The following CNTN5 variants were observed in gnomAD, a reference collection of about 807,000 sequenced individuals.
The protein encoded by CNTN5 is contactin 5.
In CNTN5, 77 loss-of-function variants were observed where a neutral mutation model predicts 129.1. The ratio of observed to expected loss-of-function variants is 0.60; its 90% CI spans 0.50 to 0.72. The LOEUF (loss-of-function observed/expected upper bound fraction) is 0.72. Ranked by LOEUF, CNTN5 falls within the 30% of genes least tolerant of loss-of-function variation. CNTN5 has a pLI of 0.00. For synonymous variants in CNTN5, 509 were observed against 465.6 expected (o/e 1.09, Z -1.20); for missense variants, 1,478 against 1,328.8 (o/e 1.11, Z -1.75).
intron 2 of CNTN5, among the ~76,000 whole-genome samples, chr11:99,372,055 C>T (rs774670056): frequency 3.9e-5 from 6 of 152,162 alleles, no homozygotes; most frequent in Admixed American, 6.5e-5. Flanking sequence ...GAGAAAAATA[C>T]ATTTCTATTT....
Position 99,871,641 on chromosome 11 carries a change from A to G in CNTN5, c.577+26379A>G, listed in dbSNP as rs1052866830. ...AACAAAAGGACATAAAGTTGAAGGGAGGAAAAATATGATGAATATTTTTGT... is the reference window on the plus strand; with the variant it reads ...AACAAAAGGACATAAAGTTGAAGGGGGGAAAAATATGATGAATATTTTTGT... On this transcript the variant is annotated intron_variant, in intron 6 of 24. Transcript: ENST00000524871. 2.8e-4 allele frequency among the ~76,000 whole-genome samples: 43 copies of G among 152,160 alleles called. 1 individual carries two copies. The highest frequency in any genetic ancestry group is 9.9e-4 in the African/African-American group (41 of 41,556).
intron 1 of CNTN5, among the ~76,000 whole-genome samples, chr11:99,253,032 A>G (rs1041246908): frequency 2.0e-5 from 3 of 150,440 alleles, no homozygotes; most frequent in Non-Finnish European, 2.9e-5. Flanking sequence ...TTAATTCGTG[A>G]TATGGTTTGG....
chr11:99,521,206 A>G (rs1400395530), intron 2 of CNTN5, among the ~76,000 whole-genome samples: 1 of 151,934 alleles, frequency 6.6e-6, no homozygotes, highest in Non-Finnish European at 1.5e-5. Context: ...ATGTGCTAGC[A>G]TTGTTGGAGC....
intron 3 of CNTN5, among the ~76,000 whole-genome samples, chr11:99,645,861 G>C (rs1951941609): frequency 6.6e-6 from 1 of 152,146 alleles, no homozygotes; most frequent in Non-Finnish European, 1.5e-5. Context: ...CGGGTTGATA[G>C]GTGCAGCAAA....
intron 2 of CNTN5, among the ~76,000 whole-genome samples, chr11:99,389,935 T>G (rs1470379661): frequency 6.6e-6 from 1 of 152,206 alleles, no homozygotes; most frequent in Non-Finnish European, 1.5e-5. Context: ...AAGTTAAAAT[T>G]TAATATTTAA....
At chr11:99,847,792 T>C (rs1313747146) in intron 6 of CNTN5, among the ~76,000 whole-genome samples, 1 of 152,176 alleles carries the variant, frequency 6.6e-6, no homozygotes. Context: ...TTGGGTGCTA[T>C]AGGATTCGGG....
chr11:100,089,328 A>G (rs911145106), intron 13 of CNTN5, among the ~76,000 whole-genome samples: 1 of 152,158 alleles, frequency 6.6e-6, no homozygotes, highest in Non-Finnish European at 1.5e-5. Flanking sequence ...ACCGATCATT[A>G]TAGAAAGGCA....
chr11:100,191,193 G>T lies in CNTN5; in HGVS notation c.1648G>T (p.Val550Phe), dbSNP rs202081035. The T allele has an allele frequency of 2.5e-6, 4 of 1,612,238 alleles. No homozygotes were observed. Among genetic ancestry groups the T allele is most frequent in the Non-Finnish European group, 3.4e-6 (4 of 1,178,770 alleles). ...NASKSDEGKY[V>F]CRGENVFGSA... is the part of the protein sequence containing the mutation. ...TTCCAAATCAGACGAGGGAAAGTACGTTTGCCGAGGGGAAAACGTCTTTGG... is the reference window on the plus strand; with the variant it reads ...TTCCAAATCAGACGAGGGAAAGTACTTTTGCCGAGGGGAAAACGTCTTTGG... The change falls in exon 14 of 25, where the codon GTT becomes TTT. Residue 550 changes from valine to phenylalanine, a missense_variant. Val to Phe is a conservative substitution (Grantham distance 50). Transcript: ENST00000524871.
At chr11:100,289,643 A>G (rs1285316921) in intron 18 of CNTN5, among the ~76,000 whole-genome samples, 2 of 151,920 alleles carry the variant, frequency 1.3e-5, no homozygotes, top group Non-Finnish European at 2.9e-5. Context: ...ACAAACCCAC[A>G]GCCAATATCA....
At chr11:99,520,888 A>C (rs1024428416) in intron 2 of CNTN5, among the ~76,000 whole-genome samples, 14 of 152,156 alleles carry the variant, frequency 9.2e-5, no homozygotes, top group African/African-American at 3.1e-4. Flanking sequence ...TAAGGCATCA[A>C]ATAAATGTTA....
chr11:100,309,619 G>A, intron 21 of CNTN5: 1 of 983,888 alleles, frequency 1.0e-6, no homozygotes, highest in Non-Finnish European at 1.2e-6. Flanking sequence ...CAGGGACCAT[G>A]TTTGTTCATC....
chr11:99,557,227 T>C (rs923948), intron 3 of CNTN5, among the ~76,000 whole-genome samples: 10,237 of 151,290 alleles, frequency 0.068, 722 homozygotes, highest in East Asian at 0.33. Context: ...CAGTACTCTA[T>C]GCAAATATTG....
chr11:99,967,882 C>A (rs1233497834), intron 8 of CNTN5, among the ~76,000 whole-genome samples: 1 of 152,068 alleles, frequency 6.6e-6, no homozygotes, highest in Non-Finnish European at 1.5e-5. Flanking sequence ...TTTCTAAAAA[C>A]TTATTTTTAT....
intron 1 of CNTN5, among the ~76,000 whole-genome samples, chr11:99,310,233 A>G (rs1049229849): frequency 6.6e-6 from 1 of 152,196 alleles, no homozygotes; most frequent in African/African-American, 2.4e-5. Context: ...AATAATTTAT[A>G]AGGAAATAAT....
intron 3 of CNTN5, among the ~76,000 whole-genome samples, chr11:99,777,567 G>C (rs1430143795): frequency 2.6e-5 from 4 of 151,660 alleles, no homozygotes; most frequent in South Asian, 2.1e-4. Flanking sequence ...TTTATATAAG[G>C]TCAATCAAAA....
intron 8 of CNTN5, among the ~76,000 whole-genome samples, chr11:99,963,300 T>C (rs1486035060): frequency 1.3e-5 from 2 of 152,218 alleles, no homozygotes; most frequent in East Asian, 3.8e-4. Flanking sequence ...AGGTCTAACA[T>C]GTAAGTCTTT....
rs1049830296 is a variant in CNTN5 at position 99,935,374 on chromosome 11, T to G, written c.673+19225T>G. ...TGCCTTAGGACCTTAGAGATTAGGT[T>G]TTTTTCACCGAGCATTATATTATAA... On this transcript the variant is annotated intron_variant, in intron 7 of 24. Coordinates refer to ENST00000524871, the MANE Select transcript of CNTN5 (RefSeq NM_014361.4). Among the ~76,000 whole-genome samples, 182 of 152,160 alleles carry G rather than the reference T, an allele frequency of 1.2e-3. 1 individual carries two copies. The highest frequency in any genetic ancestry group is 4.2e-3 in the African/African-American group (175 of 41,542).
chr11:99,807,511 T>TTA (rs1005209021), intron 3 of CNTN5, among the ~76,000 whole-genome samples: 3 of 152,246 alleles, frequency 2.0e-5, no homozygotes, highest in African/African-American at 7.2e-5. Context: ...TAATTATAAT[T>TTA]TATATATATG....
chr11:99,312,033 A>G (rs1865135771), intron 1 of CNTN5, among the ~76,000 whole-genome samples: 1 of 152,254 alleles, frequency 6.6e-6, no homozygotes, highest in African/African-American at 2.4e-5. Flanking sequence ...CAGGAGATAA[A>G]TTTCAAGTGG....
Sources: gnomAD v4.1 joint callset for allele counts (sites outside exome capture counted in the v4.1 genomes callset) on GRCh38, gnomAD v4.1.1 for gene constraint, MANE v1.5 for transcripts, NCBI Gene and HGNC (gene_info 2026-07-23, HGNC 2026-07-21) for gene names.